Variants in AGBL4 observed in about 807,000 individuals in gnomAD.
AGBL4 encodes the protein AGBL carboxypeptidase 4, also known as cytosolic carboxypeptidase 6.
Under a neutral mutation model 66.4 loss-of-function variants are expected in AGBL4, and 58 were observed. That is an observed-to-expected ratio of 0.87 (90% CI 0.71 to 1.09). The LOEUF (loss-of-function observed/expected upper bound fraction) is 1.09. Ranked by LOEUF, AGBL4 falls within the 50% of genes least tolerant of loss-of-function variation. The pLI is 0.00. For synonymous variants in AGBL4, 234 were observed against 222.9 expected (o/e 1.05, Z -0.44); for missense variants, 579 against 631.0 (o/e 0.92, Z 0.88).
intron 4 of AGBL4, among the ~76,000 whole-genome samples, chr1:49,224,030 C>A (rs936775528): frequency 6.6e-6 from 1 of 152,138 alleles, no homozygotes; most frequent in Admixed American, 6.6e-5. Context: ...ACTATCATAT[C>A]TGTTAAAGGA....
intron 3 of AGBL4, among the ~76,000 whole-genome samples, chr1:49,435,580 T>C (rs908680107): frequency 4.6e-5 from 7 of 152,200 alleles, no homozygotes; most frequent in African/African-American, 1.2e-4. Context: ...AGAAGTCACA[T>C]AGGATCTGTA....
At chr1:49,968,632 A>T (rs547529601) in intron 1 of AGBL4, among the ~76,000 whole-genome samples, 1 of 152,292 alleles carries the variant, frequency 6.6e-6, no homozygotes, top group East Asian at 1.9e-4. Flanking sequence ...TTCTCCAGGT[A>T]ATTAAGTTCT....
At chr1:49,100,256 C>G (rs182864471) in intron 4 of AGBL4, among the ~76,000 whole-genome samples, 3 of 152,268 alleles carry the variant, frequency 2.0e-5, no homozygotes, top group Admixed American at 2.0e-4. Context: ...TCAGAGCTGT[C>G]CTAAGTTGGG....
intron 5 of AGBL4, among the ~76,000 whole-genome samples, chr1:48,900,017 A>G (rs1361229912): frequency 6.6e-6 from 1 of 152,124 alleles, no homozygotes; most frequent in Non-Finnish European, 1.5e-5. Context: ...AGGAGGAAAC[A>G]TTTGAGCTGA....
At chr1:48,981,702 T>C (rs1659784176) in intron 5 of AGBL4, among the ~76,000 whole-genome samples, 4 of 152,134 alleles carry the variant, frequency 2.6e-5, no homozygotes, top group Admixed American at 2.6e-4. Context: ...CTGACCAACA[T>C]GGTGAAACCC....
At chr1:48,579,516 C>T (rs947594311) in intron 11 of AGBL4, among the ~76,000 whole-genome samples, 7 of 151,042 alleles carry the variant, frequency 4.6e-5, no homozygotes, top group Admixed American at 4.6e-4. Flanking sequence ...GCTGGGATTA[C>T]AGGCATGAGC....
chr1:49,198,949 A>C (rs946986079), intron 4 of AGBL4, among the ~76,000 whole-genome samples: 1 of 152,192 alleles, frequency 6.6e-6, no homozygotes, highest in East Asian at 1.9e-4. Context: ...TTGTAAAACT[A>C]TAAGAACTCA....
chr1:49,802,899 T>C (rs1036473178), intron 2 of AGBL4, among the ~76,000 whole-genome samples: 20 of 152,198 alleles, frequency 1.3e-4, no homozygotes, highest in Admixed American at 9.2e-4. Flanking sequence ...ATTTATCCAA[T>C]AGTCATTGCC....
chr1:49,128,518 T>C (rs1405966385), intron 4 of AGBL4, among the ~76,000 whole-genome samples: 1 of 152,014 alleles, frequency 6.6e-6, no homozygotes, highest in East Asian at 1.9e-4. Flanking sequence ...TATAGATCGA[T>C]GGAACAGAGT....
chr1:48,534,179 A>C lies in AGBL4; in HGVS notation c.1506T>G (p.Pro502=). Residue 502 remains proline, a synonymous_variant, in exon 14 of 14, where the codon CCT becomes CCG. Coordinates refer to ENST00000371839, the MANE Select transcript of AGBL4 (RefSeq NM_032785.4). The part of the protein sequence containing the change: ...SSVNHKDPST[P]F ...CTCCCAGGACTCCGTGTCTTTAAAA[A>C]GGGGTTGAAGGGTCTTTGTGGTTCA... 6.4e-7 allele frequency: 1 copy of C among 1,551,486 alleles called. No individual in the cohort carries two copies. Among genetic ancestry groups the C allele is most frequent in the Non-Finnish European group, 8.7e-7 (1 of 1,146,848 alleles).
At chr1:49,414,499 A>G (rs937531165) in intron 3 of AGBL4, among the ~76,000 whole-genome samples, 2 of 152,174 alleles carry the variant, frequency 1.3e-5, no homozygotes, top group African/African-American at 4.8e-5. Context: ...GGAATGATGG[A>G]CACCGGTTTT....
At chr1:49,813,609 C>A (rs1557472453) in intron 2 of AGBL4, among the ~76,000 whole-genome samples, 1 of 151,968 alleles carries the variant, frequency 6.6e-6, no homozygotes, top group African/African-American at 2.4e-5. Flanking sequence ...TTTTTAGCAC[C>A]CATTATGTAC....
chr1:49,898,528 GT>G (rs1416641575), intron 1 of AGBL4, among the ~76,000 whole-genome samples: 23 of 152,096 alleles, frequency 1.5e-4, no homozygotes, highest in African/African-American at 5.6e-4. Context: ...ATGTAAATTA[GT>G]ACAACTGCTA....
intron 6 of AGBL4, among the ~76,000 whole-genome samples, chr1:48,771,170 A>G (rs1644807518): frequency 6.6e-6 from 1 of 152,200 alleles, no homozygotes; most frequent in Admixed American, 6.5e-5. Flanking sequence ...TACTTGTGGA[A>G]CTTAAATCAA....
At chr1:48,653,545 GGTGATTT>G in intron 7 of AGBL4, 94 bp from the exon 8 acceptor site, 1 of 940,806 alleles carries the variant, frequency 1.1e-6, no homozygotes, top group East Asian at 2.6e-5. Flanking sequence ...GAGCTCAATA[GGTGATTT>G]TGGCCTGTGT....
At chr1:49,894,033 C>T (rs1280930938) in intron 1 of AGBL4, among the ~76,000 whole-genome samples, 8 of 152,160 alleles carry the variant, frequency 5.3e-5, no homozygotes, top group African/African-American at 1.2e-4. Flanking sequence ...AAGAGACAGA[C>T]TCTGCTTGTT....
intron 4 of AGBL4, among the ~76,000 whole-genome samples, chr1:49,091,999 C>A (rs1645012359): frequency 6.6e-6 from 1 of 151,924 alleles, no homozygotes. Context: ...CATATGGACA[C>A]AAAGATGAGA....
chr1:48,973,133 T>C (rs1659047399), intron 5 of AGBL4, among the ~76,000 whole-genome samples: 1 of 152,202 alleles, frequency 6.6e-6, no homozygotes, highest in Admixed American at 6.6e-5. Context: ...ATTCTTTTTC[T>C]TTTTTAATTG....
chr1:49,666,336 G>A (rs1008880525), intron 3 of AGBL4, among the ~76,000 whole-genome samples: 5 of 152,094 alleles, frequency 3.3e-5, no homozygotes, highest in South Asian at 4.1e-4. Flanking sequence ...AGGCCCAAGC[G>A]GGTGGATCAT....
Sources: gnomAD v4.1 joint callset for allele counts (sites outside exome capture counted in the v4.1 genomes callset) on GRCh38, gnomAD v4.1.1 for gene constraint, MANE v1.5 for transcripts, NCBI Gene and HGNC (gene_info 2026-07-23, HGNC 2026-07-21) for gene names.